Variants in PHACTR2 observed in about 807,000 individuals in gnomAD.
The protein encoded by PHACTR2 is phosphatase and actin regulator 2.
PHACTR2 carries 30 observed loss-of-function variants against 76.0 expected under a neutral mutation model. The observed-to-expected ratio is 0.39, with a 90% CI of 0.30 to 0.54. PHACTR2 has a LOEUF of 0.54. Ranked by LOEUF, PHACTR2 falls within the 20% of genes least tolerant of loss-of-function variation. The probability of loss-of-function intolerance (pLI) is 0.61; values close to 1 mark genes in which losing one functional copy is unlikely to be tolerated. For synonymous variants in PHACTR2, 292 were observed against 292.5 expected (o/e 1.00, Z 0.02); for missense variants, 696 against 781.1 (o/e 0.89, Z 1.30).
chr6:143,588,806 A>G (rs1775657311), intron 1 of PHACTR2, among the ~76,000 whole-genome samples: 1 of 152,230 alleles, frequency 6.6e-6, no homozygotes, highest in Non-Finnish European at 1.5e-5. Flanking sequence ...GCAAGAAGAT[A>G]TTATAAACAA....
At chr6:143,609,737 A>T (rs1391827415) in intron 1 of PHACTR2, among the ~76,000 whole-genome samples, 1 of 152,242 alleles carries the variant, frequency 6.6e-6, no homozygotes, top group Non-Finnish European at 1.5e-5. Flanking sequence ...TGGCAGAACG[A>T]TCACTTTAAT....
At chr6:143,630,150 CATA>C (rs1157220570) in intron 1 of PHACTR2, among the ~76,000 whole-genome samples, 6 of 150,838 alleles carry the variant, frequency 4.0e-5, no homozygotes, top group Non-Finnish European at 5.9e-5. Context: ...AATTATAATT[CATA>C]ATATTAAGAT....
In PHACTR2 at chr6:143,829,331, C is replaced by T. The variant is rs1256357880; in HGVS notation, c.*5642C>T. 1 of 151,392 alleles carries T rather than the reference C, an allele frequency of 6.6e-6. No individual in the cohort carries two copies. Among genetic ancestry groups the T allele is most frequent in the Non-Finnish European group, 1.5e-5 (1 of 67,976 alleles). 9.4% of individuals were successfully genotyped at this position (151,392 alleles called of 1,614,324 possible). On this transcript the variant is annotated 3_prime_UTR_variant, in exon 13 of 13. Coordinates refer to ENST00000440869, the MANE Select transcript of PHACTR2 (RefSeq NM_001100164.2). ...AATGCACTTGAACAAACCTGGTGGT[C>T]TTTGGAAATAAATCACCATTAGATT...
Position 143,794,860 on chromosome 6 carries a change from A to T in PHACTR2, c.1845+5950A>T, listed in dbSNP as rs1775790698. On this transcript the variant is annotated intron_variant, in intron 11 of 12. Coordinates refer to ENST00000440869, the MANE Select transcript of PHACTR2 (RefSeq NM_001100164.2). This position sits in a 1 kb window ranked among gnomAD's most constrained non-coding sequence, Gnocchi z 4.1. ...AGCTTCCTTTCAGCCTAAAGGAGACATCTTTTTTCTTTCTCTTATCTTAGT... is the reference window on the plus strand; with the variant it reads ...AGCTTCCTTTCAGCCTAAAGGAGACTTCTTTTTTCTTTCTCTTATCTTAGT... 6.6e-6 allele frequency among the ~76,000 whole-genome samples: 1 copy of T among 152,184 alleles called. No individual in the cohort carries two copies. The highest frequency in any genetic ancestry group is 2.4e-5 in the African/African-American group (1 of 41,452).
rs1051181524 is a variant in PHACTR2, at chr6:143,751,320, C to A, written c.295+2255C>A. Among the ~76,000 whole-genome samples the A allele has an allele frequency of 3.3e-5, 5 of 152,110 alleles. No individual in the cohort carries two copies. Among genetic ancestry groups the A allele is most frequent in the African/African-American group, 1.2e-4 (5 of 41,424 alleles). The stretch of plus-strand genomic sequence containing the variant: ...TATTTACATCCAGACATACCTTCAA[C>A]CTAAAAGTTCAGTGATTCGTCTTCT... On this transcript the variant is annotated intron_variant, in intron 3 of 12. Coordinates refer to ENST00000440869, the MANE Select transcript of PHACTR2 (RefSeq NM_001100164.2). The surrounding 1 kb of genome is among the most constrained non-coding windows in gnomAD (Gnocchi z 5.7).
At chr6:143,655,825 A>G (rs1439680873) in intron 1 of PHACTR2, among the ~76,000 whole-genome samples, 2 of 152,242 alleles carry the variant, frequency 1.3e-5, no homozygotes, top group Non-Finnish European at 2.9e-5. Flanking sequence ...ATTTTTAGTA[A>G]AATGTCCTCA....
At position 143,754,074 on chromosome 6, in the gene PHACTR2, T is replaced by C. The variant is rs1779248647; in HGVS notation, c.454+162T>C. 1 of 437,624 alleles carries C rather than the reference T, an allele frequency of 2.3e-6. No homozygotes were observed. The allele number at this position is 437,624 out of a possible 1,614,324, so 27.1% of individuals were successfully genotyped here. On this transcript the variant is annotated intron_variant, in intron 4 of 12. Coordinates refer to ENST00000440869, the MANE Select transcript of PHACTR2 (RefSeq NM_001100164.2). The surrounding 1 kb of genome is among the most constrained non-coding windows in gnomAD (Gnocchi z 6.2). ...TGATAACTAGTAAAGTGAAATCGGA[T>C]GATTTTCTCAGGTAGATGCATCCAT...
At chr6:143,810,578 C>A (rs1384547053) in intron 12 of PHACTR2, 1 of 453,004 alleles carries the variant, frequency 2.2e-6, no homozygotes, top group East Asian at 7.1e-5. Flanking sequence ...ATTTGACTAT[C>A]CAAAACTTCT....
rs151152018 is a variant in PHACTR2, at chr6:143,741,515, T to G, written c.215-7470T>G. On this transcript the variant is annotated intron_variant, in intron 2 of 12. Transcript: ENST00000440869. ...CTGAAAACAAAAATAACAATAATAA[T>G]AAGAAGAAGAATTGCTTAGCTTATC... Among the ~76,000 whole-genome samples the G allele has an allele frequency of 1.5e-3, 232 of 152,072 alleles. 1 individual carries two copies. Among genetic ancestry groups the G allele is most frequent in the East Asian group, 5.6e-3 (29 of 5,158 alleles).
At chr6:143,605,812 T>G (rs556438188), upstream of PHACTR2, among the ~76,000 whole-genome samples, 1 of 152,222 alleles carries the variant, frequency 6.6e-6, no homozygotes, top group Non-Finnish European at 1.5e-5. The surrounding 1 kb of genome is among the most constrained non-coding windows in gnomAD (Gnocchi z 5.0). Context: ...GTATTAAGAA[T>G]TATTTTCTGC....
intron 1 of PHACTR2, among the ~76,000 whole-genome samples, chr6:143,560,883 G>C (rs377566981): frequency 0.012 from 106 of 8,888 alleles, no homozygotes; most frequent in African/African-American, 0.049. Context: ...AAGCAGAGGG[G>C]TGTGTGTGTG....
chr6:143,602,128 T>C lies in PHACTR2; in HGVS notation c.217+64921T>C, dbSNP rs571406702. On this transcript the variant is annotated intron_variant, in intron 1 of 11. Transcript: ENST00000367584. The surrounding 1 kb of genome is among the most constrained non-coding windows in gnomAD (Gnocchi z 6.1). The stretch of plus-strand genomic sequence containing the variant: ...TTGTGCTGCCTAACATTAGTTCCTT[T>C]AGTTTTGTTTTCACTCTCGCTCTCC... Among the ~76,000 whole-genome samples, 9 of 152,230 alleles carry C rather than the reference T, an allele frequency of 5.9e-5. No homozygotes were observed. Among genetic ancestry groups the C allele is most frequent in the Non-Finnish European group, 8.8e-5 (6 of 68,040 alleles).
chr6:143,704,400 C>T (rs1305007860), intron 1 of PHACTR2, among the ~76,000 whole-genome samples: 1 of 152,152 alleles, frequency 6.6e-6, no homozygotes, highest in African/African-American at 2.4e-5. Context: ...TTCCAAAACT[C>T]TTTCAGCTGA....
chr6:143,765,872 A>C lies in PHACTR2; in HGVS notation c.1232+74A>C, dbSNP rs2128473728. ...TAATATATTCTGTTGGAAATGAAGC[A>C]CCGGGTTTGCTTTCTTATATAATTT... On this transcript the variant is annotated intron_variant, in intron 6 of 12. Transcript: ENST00000440869. This position sits in a 1 kb window ranked among gnomAD's most constrained non-coding sequence, Gnocchi z 4.1. 1 of 1,298,334 alleles carries C rather than the reference A, an allele frequency of 7.7e-7. No homozygotes were observed. Among genetic ancestry groups the C allele is most frequent in the Non-Finnish European group, 1.1e-6 (1 of 933,938 alleles). 80.4% of individuals were successfully genotyped at this position (1,298,334 alleles called of 1,614,324 possible).
In PHACTR2 at chr6:143,772,452, G is replaced by C. The variant is rs201932078; in HGVS notation, c.1427G>C (p.Gly476Ala). 2.5e-6 allele frequency: 4 copies of C among 1,612,632 alleles called. No individual in the cohort carries two copies. The highest frequency in any genetic ancestry group is 1.6e-4 in the Middle Eastern group (1 of 6,062). Residue 476 changes from glycine (G) to alanine (A), a missense_variant, in exon 7 of 13, where the codon GGA becomes GCA. Gly to Ala is a moderately conservative substitution (Grantham distance 60). Transcript: ENST00000440869. This position sits in a 1 kb window ranked among gnomAD's most constrained non-coding sequence, Gnocchi z 5.4. The stretch of plus-strand genomic sequence containing the variant: ...GAAGACGAAGATGAGGATGGCAGTG[G>C]AGAAAGTAAGACTGTTTTCAAGAGG... ...EDEDEDEDGSGESALASKIRR... is the reference protein window; with the variant it reads ...EDEDEDEDGSAESALASKIRR...
rs762534026 is a variant in PHACTR2 at position 143,774,088 on chromosome 6, G to C, written c.1462G>C (p.Asp488His). 6.2e-7 allele frequency: 1 copy of C among 1,613,842 alleles called. No individual in the cohort carries two copies. Among genetic ancestry groups the C allele is most frequent in the Non-Finnish European group, 8.5e-7 (1 of 1,179,816 alleles). ...SALASKIRRRDTLAIKLGNRP... is the reference protein window; with the variant it reads ...SALASKIRRRHTLAIKLGNRP... The stretch of plus-strand genomic sequence containing the variant: ...TTTGGCAAGTAAAATACGCCGGAGG[G>C]ATACTCTTGCTATCAAACTTGGCAA... The change falls in exon 8 of 13, where the codon GAT (aspartate) becomes CAT (histidine). Residue 488 changes from aspartate (D) to histidine (H), a missense_variant. Asp to His is a moderately conservative substitution (Grantham distance 81). Around this residue, in one of 2 missense-constraint regions of PHACTR2, gnomAD observed 236 missense variants for 330.2 expected, o/e 0.71. Transcript: ENST00000440869. This position sits in a 1 kb window ranked among gnomAD's most constrained non-coding sequence, Gnocchi z 5.4.
Position 143,591,823 on chromosome 6 carries a change from A to G in PHACTR2, c.217+54616A>G, listed in dbSNP as rs921362839. Among the ~76,000 whole-genome samples, 12 of 152,128 alleles carry G rather than the reference A, an allele frequency of 7.9e-5. No homozygotes were observed. Among genetic ancestry groups the G allele is most frequent in the African/African-American group, 2.9e-4 (12 of 41,424 alleles). ...ACCTGGAACCCAGACATCCTTTCCT[A>G]TGCCATGTTTTGGTTACTTTGGGCC... On this transcript the variant is annotated intron_variant, in intron 1 of 11. Transcript: ENST00000367584. This position sits in a 1 kb window ranked among gnomAD's most constrained non-coding sequence, Gnocchi z 6.4.
chr6:143,558,798 C>T lies in PHACTR2; in HGVS notation c.217+21591C>T, dbSNP rs1775219558. Among the ~76,000 whole-genome samples, 1 of 152,178 alleles carries T rather than the reference C, an allele frequency of 6.6e-6. No homozygotes were observed. The highest frequency in any genetic ancestry group is 2.4e-5 in the African/African-American group (1 of 41,444). On this transcript the variant is annotated intron_variant, in intron 1 of 11. Transcript: ENST00000367584. This position sits in a 1 kb window ranked among gnomAD's most constrained non-coding sequence, Gnocchi z 4.7. ...CAGGTACGTTAGGATTTGTAGACCT[C>T]TGAGGAGGATTTCAGGACCTTGCTG... is the stretch of plus-strand genomic sequence containing the variant.
At chr6:143,768,527 A>G (rs1775008171) in intron 6 of PHACTR2, among the ~76,000 whole-genome samples, 1 of 152,224 alleles carries the variant, frequency 6.6e-6, no homozygotes, top group African/African-American at 2.4e-5. Flanking sequence ...GTTTCCTGAT[A>G]TAGTCTTAAA....
Sources: gnomAD v4.1 joint callset for allele counts (sites outside exome capture counted in the v4.1 genomes callset) on GRCh38, gnomAD v4.1.1 for gene constraint, gnomAD v4.1.1 regional missense constraint, Gnocchi (gnomAD v3.1) non-coding constraint, MANE v1.5 for transcripts, NCBI Gene and HGNC (gene_info 2026-07-23, HGNC 2026-07-21) for gene names.